The following PLXNA4 variants were observed in gnomAD, a reference collection of about 807,000 sequenced individuals.
PLXNA4 encodes plexin-A4.
PLXNA4 carries 44 observed loss-of-function variants against 191.8 expected under a neutral mutation model. The ratio of observed to expected loss-of-function variants is 0.23; its 90% CI spans 0.18 to 0.29. The LOEUF (loss-of-function observed/expected upper bound fraction) is 0.29. PLXNA4 is among the 10% of genes least tolerant of loss of function. PLXNA4 has a pLI of 1.00. For missense variants in PLXNA4, 1,800 were observed against 2,488.8 expected, an observed-to-expected ratio of 0.72 and a Z score of 5.89; for synonymous variants, 1,082 against 1,009.5, an observed-to-expected ratio of 1.07 and a Z score of -1.36.
intron 25 of PLXNA4, among the ~76,000 whole-genome samples, chr7:132,152,101 G>A (rs959984267): frequency 2.0e-5 from 3 of 152,184 alleles, no homozygotes; most frequent in African/African-American, 7.2e-5. Context: ...GCTTTCTGGA[G>A]CGCTCTTGCA....
intron 3 of PLXNA4, among the ~76,000 whole-genome samples, chr7:132,339,866 G>T (rs1215865873): frequency 6.6e-6 from 1 of 152,230 alleles, no homozygotes; most frequent in East Asian, 1.9e-4. Flanking sequence ...TTATAAAAAG[G>T]CCTCTAAGGG....
intron 10 of PLXNA4, among the ~76,000 whole-genome samples, chr7:132,204,396 A>T: frequency 6.6e-6 from 1 of 152,192 alleles, no homozygotes; most frequent in African/African-American, 2.4e-5. Context: ...TGATTTTCTC[A>T]TTATTCCAGC....
intron 4 of PLXNA4, among the ~76,000 whole-genome samples, chr7:132,259,540 C>T (rs551419466): frequency 4.7e-5 from 7 of 150,342 alleles, no homozygotes; most frequent in African/African-American, 7.3e-5. Context: ...CTCCAGGGCT[C>T]GGTACCTGTG....
chr7:132,384,365 A>AT, intron 3 of PLXNA4: 4 of 985,500 alleles, frequency 4.1e-6, no homozygotes, highest in Non-Finnish European at 4.8e-6. Flanking sequence ...AGTAGAAATG[A>AT]TAGGAGCACA....
intron 1 of PLXNA4, among the ~76,000 whole-genome samples, chr7:132,550,853 C>T (rs1050486629): frequency 2.6e-5 from 4 of 152,210 alleles, no homozygotes; most frequent in Non-Finnish European, 5.9e-5. Flanking sequence ...TCTCCCTGAC[C>T]TCCTGGCCAC....
At chr7:132,232,058 G>T (rs1435520102) in intron 5 of PLXNA4, among the ~76,000 whole-genome samples, 1 of 152,180 alleles carries the variant, frequency 6.6e-6, no homozygotes, top group Non-Finnish European at 1.5e-5. Context: ...GATAATGGAA[G>T]GCGAGGCACG....
chr7:132,453,559 T>G (rs1004547422), intron 3 of PLXNA4, among the ~76,000 whole-genome samples: 5 of 151,930 alleles, frequency 3.3e-5, no homozygotes, highest in Non-Finnish European at 7.4e-5. Flanking sequence ...TTTTTTTTTT[T>G]TCTTCCAGAC....
chr7:132,468,476 G>A (rs1796794068), intron 3 of PLXNA4, among the ~76,000 whole-genome samples: 1 of 152,168 alleles, frequency 6.6e-6, no homozygotes, highest in Non-Finnish European at 1.5e-5. Context: ...AATCCAAAGA[G>A]CTGAGGTCAG....
chr7:132,402,535 G>A (rs1409808621), intron 3 of PLXNA4, among the ~76,000 whole-genome samples: 6 of 152,172 alleles, frequency 3.9e-5, no homozygotes, highest in African/African-American at 9.7e-5. Flanking sequence ...GTGTGCTGCT[G>A]CAGGCTGCCA....
At chr7:132,252,299 G>GTTTTTTTTTT (rs71178032) in intron 4 of PLXNA4, among the ~76,000 whole-genome samples, 1 of 75,340 alleles carries the variant, frequency 1.3e-5, no homozygotes, top group African/African-American at 4.8e-5. Flanking sequence ...CATTCTAAAA[G>GTTTTTTTTTT]TTTTTTTTTT....
At chr7:132,408,845 T>C (rs541043558) in intron 3 of PLXNA4, among the ~76,000 whole-genome samples, 2 of 151,334 alleles carry the variant, frequency 1.3e-5, no homozygotes, top group Admixed American at 1.3e-4. Context: ...AAGTGCCCTC[T>C]CTGCCTGCCT....
intron 25 of PLXNA4, among the ~76,000 whole-genome samples, chr7:132,153,489 G>GC (rs1190523339): frequency 6.6e-6 from 1 of 152,172 alleles, no homozygotes; most frequent in Non-Finnish European, 1.5e-5. Flanking sequence ...AGGTAGTGGG[G>GC]CAGGGGTGTG....
chr7:132,355,698 T>C (rs182592184), intron 3 of PLXNA4, among the ~76,000 whole-genome samples: 1 of 150,610 alleles, frequency 6.6e-6, no homozygotes, highest in East Asian at 2.0e-4. Context: ...GGCATATAAA[T>C]CCCTCTGCCT....
chr7:132,563,060 TCTC>T lies in PLXNA4; in HGVS notation c.-87+13359_-87+13361del, dbSNP rs1179123764. ...TCCTTCTCTTCTTTCTCTGCCTCCTTCTCCTCCTCCTCCTCCTTCTCCTCCTCC... is the reference window on the plus strand; with the variant it reads ...TCCTTCTCTTCTTTCTCTGCCTCCTTCTCCTCCTCCTCCTTCTCCTCCTCC... On this transcript the variant is annotated intron_variant, in intron 1 of 31. Coordinates refer to ENST00000321063, the MANE Select transcript of PLXNA4 (RefSeq NM_020911.2). 4.0e-3 allele frequency among the ~76,000 whole-genome samples: 161 copies of T among 40,552 alleles called. 4 individuals carry two copies. Among genetic ancestry groups the T allele is most frequent in the African/African-American group, 0.013 (136 of 10,140 alleles). 26.6% of individuals were successfully genotyped at this position (40,552 alleles called of 152,430 possible). A position where few individuals can be genotyped will look rare whatever the true frequency, so the allele number is the denominator to read the frequency against.
chr7:132,408,103 GAA>G (rs1794297216), intron 3 of PLXNA4, among the ~76,000 whole-genome samples: 1 of 151,908 alleles, frequency 6.6e-6, no homozygotes, highest in Non-Finnish European at 1.5e-5. Flanking sequence ...TTAAAAATGA[GAA>G]CTAACTTAAA....
At chr7:132,283,949 A>G (rs753694380) in intron 4 of PLXNA4, among the ~76,000 whole-genome samples, 2 of 152,228 alleles carry the variant, frequency 1.3e-5, no homozygotes, top group Non-Finnish European at 2.9e-5. Flanking sequence ...CCAAGGCAGG[A>G]GGATCACTTA....
chr7:132,524,724 C>T (rs960516118), intron 1 of PLXNA4, among the ~76,000 whole-genome samples: 8 of 152,198 alleles, frequency 5.3e-5, no homozygotes, highest in South Asian at 2.1e-4. Flanking sequence ...CCCATCACCA[C>T]GCCCAGCTAA....
chr7:132,138,012 G>C (rs1795163677), intron 30 of PLXNA4, among the ~76,000 whole-genome samples: 1 of 151,962 alleles, frequency 6.6e-6, no homozygotes, highest in South Asian at 2.1e-4. Flanking sequence ...TGGGTGGGAG[G>C]ACAGATGAAA....
At chr7:132,299,280 A>T (rs1382174117) in intron 3 of PLXNA4, among the ~76,000 whole-genome samples, 2 of 152,236 alleles carry the variant, frequency 1.3e-5, no homozygotes, top group Admixed American at 6.5e-5. Flanking sequence ...TAAAGAAAAA[A>T]ATTATATTCC....
Sources: gnomAD v4.1 joint callset for allele counts (sites outside exome capture counted in the v4.1 genomes callset) on GRCh38, gnomAD v4.1.1 for gene constraint, MANE v1.5 for transcripts, NCBI Gene and HGNC (gene_info 2026-07-23, HGNC 2026-07-21) for gene names.